RBFOX1: variants seen among roughly 807,000 people sequenced by gnomAD.
RBFOX1 encodes the protein RNA binding fox-1 homolog 1, also known as RNA binding protein fox-1 homolog 1.
RBFOX1 carries 8 observed loss-of-function variants against 57.7 expected under a neutral mutation model. The observed-to-expected ratio is 0.14, with a 90% CI of 0.08 to 0.25. The LOEUF (loss-of-function observed/expected upper bound fraction) is 0.25, where lower values mean the gene tolerates loss of function less well. RBFOX1 is among the 10% of genes least tolerant of loss of function. The pLI, the probability that RBFOX1 is intolerant of heterozygous loss-of-function variation, is 1.00. For missense variants in RBFOX1, 611 were observed against 548.5 expected, an observed-to-expected ratio of 1.11 and a Z score of -1.14; for synonymous variants, 326 against 222.4, an observed-to-expected ratio of 1.47 and a Z score of -4.15.
At chr16:7,689,877 G>T (rs561350926) in intron 14 of RBFOX1, among the ~76,000 whole-genome samples, 4 of 152,056 alleles carry the variant, frequency 2.6e-5, no homozygotes, top group Non-Finnish European at 5.9e-5. Flanking sequence ...CTCTTAGAAG[G>T]CATCTAGAAA....
intron 3 of RBFOX1, among the ~76,000 whole-genome samples, chr16:7,040,445 T>C (rs879827033): frequency 2.0e-5 from 3 of 152,228 alleles, no homozygotes; most frequent in Non-Finnish European, 4.4e-5. Flanking sequence ...ATTTAAATTA[T>C]ATTATTATTG....
chr16:5,498,157 C>G (rs1019401057), intron 2 of RBFOX1, among the ~76,000 whole-genome samples: 4 of 152,048 alleles, frequency 2.6e-5, no homozygotes, highest in Non-Finnish European at 5.9e-5. Flanking sequence ...GTTTTTGTTT[C>G]TGAGACAGAG....
intron 1 of RBFOX1, among the ~76,000 whole-genome samples, chr16:6,214,468 G>C (rs1015362469): frequency 2.1e-5 from 3 of 139,938 alleles, no homozygotes; most frequent in African/African-American, 8.1e-5. Flanking sequence ...GAGCGACAGG[G>C]AGAAAAGGAG....
chr16:5,980,128 A>C (rs1438083596), intron 4 of RBFOX1, among the ~76,000 whole-genome samples: 1 of 152,212 alleles, frequency 6.6e-6, no homozygotes, highest in Non-Finnish European at 1.5e-5. Context: ...AAGGCAGGAA[A>C]CTGCAATCTT....
At chr16:6,439,838 G>A (rs1455870058) in intron 2 of RBFOX1, among the ~76,000 whole-genome samples, 1 of 152,004 alleles carries the variant, frequency 6.6e-6, no homozygotes, top group Non-Finnish European at 1.5e-5. Flanking sequence ...TCCGACCCAG[G>A]GATGCAGCTC....
At chr16:6,616,226 T>C (rs972757157) in intron 2 of RBFOX1, among the ~76,000 whole-genome samples, 2 of 152,228 alleles carry the variant, frequency 1.3e-5, no homozygotes, top group East Asian at 3.8e-4. Context: ...AATAAATGAA[T>C]GTCTGTGCTC....
rs536529201 is a variant in RBFOX1, at chr16:7,187,690, C to CA, written c.27+135627dup. On this transcript the variant is annotated intron_variant, in intron 4 of 15. Coordinates refer to ENST00000550418, the MANE Select transcript of RBFOX1 (RefSeq NM_018723.4). ...GGCAACAGAATGAGACTCTGTCTCACAAAAAAAAAAAAAAAAAAAAAAAAA... is the reference window on the plus strand; with the variant it reads ...GGCAACAGAATGAGACTCTGTCTCACAAAAAAAAAAAAAAAAAAAAAAAAAA... Among the ~76,000 whole-genome samples the CA allele has an allele frequency of 4.8e-3, 345 of 72,570 alleles. 3 individuals carry two copies. The highest frequency in any genetic ancestry group is 0.02 in the Middle Eastern group (2 of 98). 47.6% of individuals were successfully genotyped at this position (72,570 alleles called of 152,430 possible).
intron 3 of RBFOX1, among the ~76,000 whole-genome samples, chr16:5,803,402 A>G (rs1326393998): frequency 6.6e-6 from 1 of 152,190 alleles, no homozygotes; most frequent in Admixed American, 6.5e-5. Flanking sequence ...GTGGATTCTG[A>G]TCCCAGTTCC....
intron 4 of RBFOX1, among the ~76,000 whole-genome samples, chr16:5,868,298 C>G (rs2057389903): frequency 6.6e-6 from 1 of 152,170 alleles, no homozygotes. Context: ...TTATTGGAAC[C>G]CTAAGCATGT....
At chr16:6,380,630 T>A (rs2091716786) in intron 2 of RBFOX1, among the ~76,000 whole-genome samples, 1 of 151,950 alleles carries the variant, frequency 6.6e-6, no homozygotes, top group African/African-American at 2.4e-5. Flanking sequence ...TGTCTTTTGT[T>A]TTTTCTTCTT....
chr16:6,330,030 T>C (rs1468969156), intron 2 of RBFOX1, among the ~76,000 whole-genome samples: 2 of 152,184 alleles, frequency 1.3e-5, no homozygotes, highest in African/African-American at 4.8e-5. Flanking sequence ...ACTTCTACTG[T>C]GTAGCTTTCC....
intron 1 of RBFOX1, among the ~76,000 whole-genome samples, chr16:6,188,836 C>T (rs1184651886): frequency 1.3e-5 from 2 of 152,138 alleles, no homozygotes; most frequent in African/African-American, 4.8e-5. Flanking sequence ...TCATTTTTAG[C>T]CAGGTGTATC....
intron 4 of RBFOX1, among the ~76,000 whole-genome samples, chr16:7,220,919 T>A (rs1304324085): frequency 6.6e-6 from 1 of 152,084 alleles, no homozygotes; most frequent in Non-Finnish European, 1.5e-5. Context: ...AATGGGTTCT[T>A]AGGAATTCTA....
chr16:5,894,477 G>A lies in RBFOX1; in HGVS notation c.351+27142G>A, dbSNP rs147232755. Reference sequence around the variant, plus strand: ...TTTAGTAGAGATAGGGTTTTGCCATGTTGGCCTGGCTGGTCTTGAACTCCT... The same window carrying A: ...TTTAGTAGAGATAGGGTTTTGCCATATTGGCCTGGCTGGTCTTGAACTCCT... On this transcript the variant is annotated intron_variant, in intron 4 of 19. Transcript: ENST00000641259. 4.3e-3 allele frequency among the ~76,000 whole-genome samples: 649 copies of A among 152,090 alleles called. 3 individuals are homozygous for A. Among genetic ancestry groups the A allele is most frequent in the African/African-American group, 0.015 (629 of 41,514 alleles).
intron 2 of RBFOX1, among the ~76,000 whole-genome samples, chr16:6,576,657 G>T (rs1482036052): frequency 9.1e-6 from 1 of 110,362 alleles, no homozygotes; most frequent in African/African-American, 3.7e-5. Flanking sequence ...TTGTTGGCAG[G>T]GTGAGGGAGG....
At chr16:6,814,036 C>CAAAG (rs1335056185) in intron 3 of RBFOX1, among the ~76,000 whole-genome samples, 4 of 45,594 alleles carry the variant, frequency 8.8e-5, no homozygotes, top group African/African-American at 2.3e-4. Context: ...AAATTAGATT[C>CAAAG]AAACATAACA....
chr16:7,048,663 A>T (rs1167914199), intron 3 of RBFOX1, among the ~76,000 whole-genome samples: 1 of 152,100 alleles, frequency 6.6e-6, no homozygotes, highest in Non-Finnish European at 1.5e-5. Context: ...GTTTTATAAC[A>T]GCTGCTTTAA....
At chr16:6,580,536 T>C (rs1426036290) in intron 2 of RBFOX1, among the ~76,000 whole-genome samples, 1 of 152,030 alleles carries the variant, frequency 6.6e-6, no homozygotes, top group Non-Finnish European at 1.5e-5. Flanking sequence ...AACATACAAA[T>C]AATGAAAAAA....
upstream of RBFOX1, among the ~76,000 whole-genome samples, chr16:6,017,370 C>G (rs192620110): frequency 6.6e-6 from 1 of 152,082 alleles, no homozygotes; most frequent in Non-Finnish European, 1.5e-5. Context: ...TTTTACAACC[C>G]ATCTCATCTC....
Sources: allele counts gnomAD v4.1 joint callset (sites outside exome capture counted in the v4.1 genomes callset), GRCh38; gene constraint gnomAD v4.1.1; transcripts MANE v1.5; gene names NCBI Gene and HGNC (gene_info 2026-07-23, HGNC 2026-07-21).